QRICH1: variants seen among roughly 807,000 people sequenced by gnomAD.
The protein encoded by QRICH1 is glutamine rich 1.
In QRICH1, 16 loss-of-function variants were observed where a neutral mutation model predicts 87.1. The observed-to-expected ratio is 0.18, with a 90% CI of 0.12 to 0.28. The LOEUF (loss-of-function observed/expected upper bound fraction) is 0.28, where lower values mean the gene tolerates loss of function less well. QRICH1 is among the 10% of genes least tolerant of loss of function. The probability of loss-of-function intolerance (pLI) is 1.00; values close to 1 mark genes in which losing one functional copy is unlikely to be tolerated. For synonymous variants in QRICH1, 367 were observed against 368.4 expected, an observed-to-expected ratio of 1.00 and a Z score of 0.05; for missense variants, 647 against 951.7, an observed-to-expected ratio of 0.68 and a Z score of 4.21.
At chr3:49,067,891 C>G (rs1362475761) in intron 2 of QRICH1, among the ~76,000 whole-genome samples, 6 of 151,636 alleles carry the variant, frequency 4.0e-5, no homozygotes, top group African/African-American at 1.5e-4. Context: ...GCAGAGGTTG[C>G]AGTGAGCCTA....
chr3:49,046,937 T>A (rs754712870), intron 4 of QRICH1, 132 bp downstream of exon 4: 4 of 1,088,508 alleles, frequency 3.7e-6, no homozygotes, highest in South Asian at 1.6e-5. Flanking sequence ...AGGCTTGAAT[T>A]CAACATACTA....
chr3:49,044,865 T>C (rs1393904958), intron 5 of QRICH1, among the ~76,000 whole-genome samples: 1 of 152,040 alleles, frequency 6.6e-6, no homozygotes, highest in East Asian at 1.9e-4. Context: ...TTTCCTTGCC[T>C]GTAAATGGAG....
chr3:49,086,665 A>T (rs972506256), intron 1 of QRICH1, among the ~76,000 whole-genome samples: 16 of 152,264 alleles, frequency 1.1e-4, no homozygotes, highest in African/African-American at 3.8e-4. Context: ...ACCATGGACA[A>T]AGGTTACTCC....
At position 49,076,760 on chromosome 3, in the gene QRICH1, T is replaced by C. The variant is rs2041960422; in HGVS notation, c.258A>G (p.Pro86=). The C allele has an allele frequency of 9.3e-6, 15 of 1,606,918 alleles. No individual in the cohort carries two copies. The highest frequency in any genetic ancestry group is 1.3e-5 in the Non-Finnish European group (15 of 1,175,288). Residue 86 remains proline (P), a synonymous_variant, in exon 2 of 10, where the codon CCA becomes CCG. Transcript: ENST00000395443. ...LACPVTTSVQ[P]QTQQEQQIQV... ...GGATCTGCTGTTCTTGCTGGGTTTG[T>C]GGCTGAACACTGGTGGTGACTGGAC...
intron 7 of QRICH1, 51 bp downstream of exon 7, chr3:49,033,069 C>T (rs891738183): frequency 1.1e-5 from 15 of 1,335,924 alleles, no homozygotes; most frequent in Non-Finnish European, 1.5e-5. Context: ...TGGATAGCTT[C>T]CACACTCTTC....
At chr3:49,048,061 CTT>C (rs919876041) in intron 3 of QRICH1, among the ~76,000 whole-genome samples, 1 of 151,890 alleles carries the variant, frequency 6.6e-6, no homozygotes, top group African/African-American at 2.4e-5. Context: ...AAACAAATCA[CTT>C]GGGGATTTTA....
intron 1 of QRICH1, among the ~76,000 whole-genome samples, chr3:49,077,280 T>G (rs1310313519): frequency 6.6e-6 from 1 of 152,078 alleles, no homozygotes; most frequent in Non-Finnish European, 1.5e-5. Flanking sequence ...TGCTTCACAA[T>G]ACTGGATGAA....
intron 5 of QRICH1, 131 bp downstream of exon 5, chr3:49,046,294 T>C: frequency 2.0e-6 from 2 of 1,012,862 alleles, no homozygotes; most frequent in Admixed American, 3.0e-5. Flanking sequence ...AATGTGTATT[T>C]TAAAACTCAC....
In QRICH1 at chr3:49,065,732, G is replaced by A. The variant is rs546043442; in HGVS notation, c.310-7842C>T. On this transcript the variant is annotated intron_variant, in intron 2 of 9. Coordinates refer to ENST00000395443, the MANE Select transcript of QRICH1 (RefSeq NM_198880.3). The stretch of plus-strand genomic sequence containing the variant: ...GTCTCCCTCTGTCGTCCAGGCTGGA[G>A]TGCAGTGGTGTGATCTCAGCTCACT... Among the ~76,000 whole-genome samples the A allele has an allele frequency of 2.0e-5, 3 of 151,494 alleles. No homozygotes were observed. In the South Asian group the frequency reaches 6.3e-4, roughly 32 times the overall value.
At chr3:49,084,720 C>T (rs1379390093) in intron 1 of QRICH1, among the ~76,000 whole-genome samples, 3 of 151,212 alleles carry the variant, frequency 2.0e-5, no homozygotes, top group Admixed American at 6.6e-5. Context: ...GCTGAGACTG[C>T]GCCACTGCAC....
At chr3:49,068,277 C>T (rs944740244) in intron 2 of QRICH1, among the ~76,000 whole-genome samples, 5 of 151,772 alleles carry the variant, frequency 3.3e-5, no homozygotes, top group African/African-American at 9.7e-5. Flanking sequence ...GGATCAATTG[C>T]GCCCAGGAGT....
intron 2 of QRICH1, among the ~76,000 whole-genome samples, chr3:49,060,738 C>T (rs958517453): frequency 6.6e-6 from 1 of 152,180 alleles, no homozygotes; most frequent in Non-Finnish European, 1.5e-5. Context: ...CTGAGCTCCA[C>T]CTCCTGTCAG....
chr3:49,038,106 G>C (rs899572140), intron 6 of QRICH1, among the ~76,000 whole-genome samples: 2 of 151,522 alleles, frequency 1.3e-5, no homozygotes, highest in Non-Finnish European at 2.9e-5. Context: ...CTGTTGCCCA[G>C]GCTAGAGGGC....
intron 6 of QRICH1, 74 bp from the exon 7 acceptor site, chr3:49,033,302 AAGC>A: frequency 1.1e-6 from 1 of 896,434 alleles, no homozygotes; most frequent in Non-Finnish European, 1.6e-6. Context: ...GGGATGTGTG[AAGC>A]ATAAGGACCA....
At chr3:49,045,264 T>C (rs1474359444) in intron 5 of QRICH1, among the ~76,000 whole-genome samples, 1 of 146,320 alleles carries the variant, frequency 6.8e-6, no homozygotes, top group Non-Finnish European at 1.5e-5. Flanking sequence ...TTTGAATAAA[T>C]TACCTTCATG....
chr3:49,062,473 G>A (rs905926650), intron 2 of QRICH1, among the ~76,000 whole-genome samples: 3 of 146,606 alleles, frequency 2.0e-5, no homozygotes, highest in Non-Finnish European at 3.0e-5. Context: ...CAATTCTCCT[G>A]CCTCAGCCTC....
intron 3 of QRICH1, among the ~76,000 whole-genome samples, chr3:49,053,097 CAG>C (rs750727919): frequency 3.3e-5 from 5 of 152,082 alleles, no homozygotes; most frequent in African/African-American, 7.2e-5. Context: ...ATGTATGATT[CAG>C]AGAGAGGAGG....
chr3:49,038,214 C>T (rs1233352851), intron 6 of QRICH1, among the ~76,000 whole-genome samples: 2 of 151,734 alleles, frequency 1.3e-5, no homozygotes, highest in African/African-American at 4.8e-5. Flanking sequence ...GCACTCACCA[C>T]CACGCCCAGC....
In QRICH1 at chr3:49,057,054, A is replaced by G; in HGVS notation, c.1146T>C (p.Ser382=). The G allele has an allele frequency of 4.3e-6, 7 of 1,614,142 alleles. No individual in the cohort carries two copies. Among genetic ancestry groups the G allele is most frequent in the Non-Finnish European group, 5.9e-6 (7 of 1,180,032 alleles). The change falls in exon 3 of 10, where the codon TCT becomes TCC. Residue 382 remains serine, a synonymous_variant. Transcript: ENST00000395443. This position sits in a 1 kb window ranked among gnomAD's most constrained non-coding sequence, Gnocchi z 5.4. ...HEEVVQTLAN[S]LFPAQFMNGN... is the part of the protein sequence containing the mutation. The stretch of plus-strand genomic sequence containing the variant: ...CATTCATGAACTGTGCTGGAAAGAG[A>G]GAGTTTGCAAGGGTCTGCACTACCT...
Sources: allele counts gnomAD v4.1 joint callset (sites outside exome capture counted in the v4.1 genomes callset), GRCh38; gene constraint gnomAD v4.1.1; non-coding constraint Gnocchi (gnomAD v3.1); transcripts MANE v1.5; gene names NCBI Gene and HGNC (gene_info 2026-07-23, HGNC 2026-07-21).